CEP170: variants seen among roughly 807,000 people sequenced by gnomAD.
CEP170 encodes the protein centrosomal protein of 170 kDa.
In CEP170, 21 loss-of-function variants were observed where a neutral mutation model predicts 151.9. The observed-to-expected ratio is 0.14, with a 90% confidence interval of 0.10 to 0.20. The LOEUF is 0.20. CEP170 is among the 10% of genes least tolerant of loss of function. The probability of loss-of-function intolerance (pLI) is 1.00; values close to 1 mark genes in which losing one functional copy is unlikely to be tolerated. For missense variants in CEP170, 964 were observed against 1,892.9 expected, an observed-to-expected ratio of 0.51 and a Z score of 9.11; for synonymous variants, 356 against 648.8, an observed-to-expected ratio of 0.55 and a Z score of 6.86.
chr1:243,136,955 T>C lies in CEP170; in HGVS notation c.4231-724A>G, dbSNP rs540567953. Among the ~76,000 whole-genome samples, 8 of 152,304 alleles carry C rather than the reference T, an allele frequency of 5.3e-5. No homozygotes were observed. The South Asian group carries it at 1.7e-3, about 32-fold the overall frequency. ...AGTAAGTTTTTGTACTGAGTGTTGGTATTACCCCAGTTGAGATGCATGGGC... is the reference window on the plus strand; with the variant it reads ...AGTAAGTTTTTGTACTGAGTGTTGGCATTACCCCAGTTGAGATGCATGGGC... On this transcript the variant is annotated intron_variant, in intron 16 of 19. Coordinates refer to ENST00000366542, the MANE Select transcript of CEP170 (RefSeq NM_014812.3).
intron 1 of CEP170, among the ~76,000 whole-genome samples, chr1:243,245,407 T>C (rs1304785328): frequency 6.6e-6 from 1 of 151,742 alleles, no homozygotes; most frequent in Non-Finnish European, 1.5e-5. Flanking sequence ...AAATGAGACC[T>C]TGTCTCTATA....
At chr1:243,221,478 T>G in intron 3 of CEP170, 1 of 447,852 alleles carries the variant, frequency 2.2e-6, no homozygotes, top group Non-Finnish European at 3.9e-6. Flanking sequence ...CTTAAAGAAG[T>G]CTTCTTTAGC....
intron 1 of CEP170, among the ~76,000 whole-genome samples, chr1:243,237,294 G>A (rs1280922048): frequency 6.6e-6 from 1 of 151,996 alleles, no homozygotes; most frequent in Non-Finnish European, 1.5e-5. Flanking sequence ...CAATACATTA[G>A]CCACAAGCCA....
At chr1:243,245,433 T>G (rs1477029832) in intron 1 of CEP170, among the ~76,000 whole-genome samples, 1 of 151,802 alleles carries the variant, frequency 6.6e-6, no homozygotes, top group Non-Finnish European at 1.5e-5. Flanking sequence ...ATAAAAAACC[T>G]TGGCCAGTGC....
chr1:243,173,651 G>A (rs1334337496), intron 10 of CEP170, among the ~76,000 whole-genome samples: 2 of 150,800 alleles, frequency 1.3e-5, no homozygotes, highest in East Asian at 2.0e-4. Context: ...CAAGAAAATA[G>A]CTTGAACCCA....
chr1:243,198,163 C>T (rs181468009), intron 7 of CEP170, among the ~76,000 whole-genome samples: 8 of 152,118 alleles, frequency 5.3e-5, no homozygotes, highest in African/African-American at 1.9e-4. Context: ...CTTAATTCCT[C>T]CAGTTCTGGA....
chr1:243,159,608 G>A (rs1248385259), intron 13 of CEP170, among the ~76,000 whole-genome samples: 1 of 151,990 alleles, frequency 6.6e-6, no homozygotes, highest in African/African-American at 2.4e-5. Flanking sequence ...TTTGACATGA[G>A]TCTAAATTCT....
At chr1:243,186,715 C>T (rs951157252) in intron 8 of CEP170, among the ~76,000 whole-genome samples, 37 of 152,060 alleles carry the variant, frequency 2.4e-4, no homozygotes, top group African/African-American at 8.2e-4. Flanking sequence ...TCTATCTCTG[C>T]GATATTTGTA....
At chr1:243,242,296 A>G (rs1007653190) in intron 1 of CEP170, among the ~76,000 whole-genome samples, 7 of 151,348 alleles carry the variant, frequency 4.6e-5, no homozygotes, top group African/African-American at 4.9e-5. Flanking sequence ...TCTGCTCAAT[A>G]CAAGCTCCAC....
chr1:243,217,750 G>GA (rs948793705), intron 3 of CEP170, among the ~76,000 whole-genome samples: 3 of 152,050 alleles, frequency 2.0e-5, no homozygotes, highest in African/African-American at 2.4e-5. Flanking sequence ...TTAGATACGG[G>GA]AAAAAAAATG....
rs764258155 is a variant in CEP170, at chr1:243,156,333, G to A, written c.3799C>T (p.Arg1267Cys). Residue 1267 changes from arginine (R) to cysteine (C), a missense_variant, in exon 14 of 20, where the codon CGC (arginine) becomes TGC (cysteine). Arg to Cys is a radical substitution (Grantham distance 180). Transcript: ENST00000366542. ...LRTSPALKTTRLQSAGSAMPT... is the reference protein window; with the variant it reads ...LRTSPALKTTCLQSAGSAMPT... ...ATTGCTGATCCAGCGCTCTGCAAGC[G>A]AGTGGTTTTCAGGGCTGGAGAAGTA... is the stretch of plus-strand genomic sequence containing the variant. 7 of 1,587,114 alleles carry A rather than the reference G, an allele frequency of 4.4e-6. No homozygotes were observed. Among genetic ancestry groups the A allele is most frequent in the East Asian group, 2.3e-5 (1 of 43,952 alleles).
intron 16 of CEP170, among the ~76,000 whole-genome samples, chr1:243,139,105 CTTTTTTT>C (rs370290389): frequency 7.3e-6 from 1 of 136,118 alleles, no homozygotes; most frequent in Non-Finnish European, 1.6e-5. Flanking sequence ...TTTTCTTTTT[CTTTTTTT>C]TTTTTTGGAG....
chr1:243,155,358 TTTC>T (rs200997714), intron 14 of CEP170, among the ~76,000 whole-genome samples: 46,435 of 151,484 alleles, frequency 0.31, 7,429 homozygotes, highest in South Asian at 0.47. Context: ...AGAGTAAAAG[TTTC>T]TTGTTTTTTA....
chr1:243,221,502 GACA>G, intron 3 of CEP170: 1 of 487,238 alleles, frequency 2.1e-6, no homozygotes, highest in East Asian at 3.5e-5. Context: ...CACAGACAAT[GACA>G]ACCACCTTCT....
chr1:243,167,054 G>T (rs2058493074), intron 12 of CEP170, among the ~76,000 whole-genome samples: 1 of 152,010 alleles, frequency 6.6e-6, no homozygotes, highest in African/African-American at 2.4e-5. Flanking sequence ...TCTCACTTTT[G>T]TAACTTTCCA....
chr1:243,226,100 T>TAC (rs1446815840), intron 1 of CEP170, among the ~76,000 whole-genome samples: 40 of 142,176 alleles, frequency 2.8e-4, no homozygotes, highest in Admixed American at 8.6e-4. Flanking sequence ...TCTATATATA[T>TAC]ACACGTATAT....
chr1:243,245,304 A>G (rs954239474), intron 1 of CEP170, among the ~76,000 whole-genome samples: 1 of 151,946 alleles, frequency 6.6e-6, no homozygotes, highest in Non-Finnish European at 1.5e-5. Context: ...AACTGTCCAG[A>G]TTGGGTGGCT....
chr1:243,178,041 G>C (rs1050395409), intron 10 of CEP170, among the ~76,000 whole-genome samples: 3 of 152,016 alleles, frequency 2.0e-5, no homozygotes, highest in African/African-American at 7.2e-5. Flanking sequence ...CCATAAAAAG[G>C]AATGGGCAGG....
chr1:243,218,806 C>T (rs946501057), intron 3 of CEP170, among the ~76,000 whole-genome samples: 1 of 152,138 alleles, frequency 6.6e-6, no homozygotes, highest in African/African-American at 2.4e-5. Flanking sequence ...ACATACAACA[C>T]GCTCACACAA....
Sources: gnomAD v4.1 joint callset for allele counts (sites outside exome capture counted in the v4.1 genomes callset) on GRCh38, gnomAD v4.1.1 for gene constraint, MANE v1.5 for transcripts, NCBI Gene and HGNC (gene_info 2026-07-23, HGNC 2026-07-21) for gene names.